The following PTPRN2 variants were observed in gnomAD, a reference collection of about 807,000 sequenced individuals.
PTPRN2 encodes receptor-type tyrosine-protein phosphatase N2.
PTPRN2 carries 74 observed loss-of-function variants against 118.8 expected under a neutral mutation model. The observed-to-expected ratio is 0.62, with a 90% confidence interval of 0.52 to 0.76. The LOEUF (loss-of-function observed/expected upper bound fraction) is 0.76. Among genes scored for constraint, PTPRN2 ranks in the 30% least tolerant of loss-of-function variants. The pLI is 0.00. For synonymous variants in PTPRN2, 641 were observed against 608.0 expected, an observed-to-expected ratio of 1.05 and a Z score of -0.80; for missense variants, 1,481 against 1,394.4, an observed-to-expected ratio of 1.06 and a Z score of -0.99.
intron 12 of PTPRN2, among the ~76,000 whole-genome samples, chr7:157,691,122 C>G (rs1466012520): frequency 6.8e-6 from 1 of 146,384 alleles, no homozygotes; most frequent in Non-Finnish European, 1.5e-5. Context: ...CCGCGGCTCT[C>G]CAAACACCCT....
At chr7:158,340,428 C>G (rs1563174125) in intron 2 of PTPRN2, among the ~76,000 whole-genome samples, 1 of 56,988 alleles carries the variant, frequency 1.8e-5, no homozygotes, top group Non-Finnish European at 4.0e-5. Context: ...CACACACACA[C>G]TCTCACCGTA....
Position 157,554,458 on chromosome 7 carries a change from T to G in PTPRN2, c.2903-5439A>C, listed in dbSNP as rs548856341. 5.4e-3 allele frequency among the ~76,000 whole-genome samples: 473 copies of G among 87,020 alleles called. 3 individuals carry two copies. The highest frequency in any genetic ancestry group is 7.9e-3 in the Non-Finnish European group (357 of 44,968). The allele number at this position is 87,020 out of a possible 152,430, so 57.1% of individuals were successfully genotyped here. A position where few individuals can be genotyped will look rare whatever the true frequency, so the allele number is the denominator to read the frequency against. ...ATTGATAAAGCACCTGCTGGGTGGG[T>G]AGGGTGGGATAGGGTGGGCGTGTGT... On this transcript the variant is annotated intron_variant, in intron 21 of 22. Transcript: ENST00000389418.
intron 2 of PTPRN2, among the ~76,000 whole-genome samples, chr7:158,327,263 GCA>G (rs1169804630): frequency 4.0e-5 from 6 of 148,750 alleles, no homozygotes; most frequent in African/African-American, 7.5e-5. Flanking sequence ...ATTCTCACAT[GCA>G]CACACGTGCT....
At chr7:157,613,984 G>A (rs767498507) in intron 15 of PTPRN2, 1 of 470,536 alleles carries the variant, frequency 2.1e-6, no homozygotes. Context: ...GAGCTCACAG[G>A]GCTGGCCTCC....
intron 2 of PTPRN2, among the ~76,000 whole-genome samples, chr7:158,389,050 C>T (rs1811722912): frequency 6.6e-6 from 1 of 152,336 alleles, no homozygotes; most frequent in African/African-American, 2.4e-5. Flanking sequence ...GAGGCGGGCC[C>T]CTGGAAGGAG....
intron 11 of PTPRN2, among the ~76,000 whole-genome samples, chr7:157,913,658 CTT>C (rs932647501): frequency 8.5e-5 from 13 of 152,242 alleles, no homozygotes; most frequent in South Asian, 4.1e-4. Flanking sequence ...ATTTTTTTCT[CTT>C]TTCATTAATG....
rs376300715 is a variant in PTPRN2 at position 158,412,914 on chromosome 7, A to G, written c.163+76821T>C. ...CAGGGCCCATCCAGTGCCCTCCTCAACACCAGGGCCCATCCAGCGCCCTCC... is the reference window on the plus strand; with the variant it reads ...CAGGGCCCATCCAGTGCCCTCCTCAGCACCAGGGCCCATCCAGCGCCCTCC... On this transcript the variant is annotated intron_variant, in intron 2 of 22. Coordinates refer to ENST00000389418, the MANE Select transcript of PTPRN2 (RefSeq NM_002847.5). 1.8e-3 allele frequency among the ~76,000 whole-genome samples: 163 copies of G among 89,104 alleles called. 1 individual carries two copies. In the South Asian group the frequency reaches 0.063, roughly 34 times the overall value. The allele number at this position is 89,104 out of a possible 152,430, so 58.5% of individuals were successfully genotyped here.
chr7:157,912,155 AAC>A (rs1463635083), intron 11 of PTPRN2, among the ~76,000 whole-genome samples: 1 of 152,240 alleles, frequency 6.6e-6, no homozygotes, highest in Non-Finnish European at 1.5e-5. Context: ...TCCTGTCACC[AAC>A]ACACAGAGTT....
At chr7:158,282,056 C>T (rs1799462080) in intron 3 of PTPRN2, among the ~76,000 whole-genome samples, 1 of 152,086 alleles carries the variant, frequency 6.6e-6, no homozygotes, top group South Asian at 2.1e-4. Context: ...CACTGTGTTC[C>T]CAGAAGGGAC....
intron 12 of PTPRN2, among the ~76,000 whole-genome samples, chr7:157,759,167 C>A (rs1242630107): frequency 6.6e-6 from 1 of 152,260 alleles, no homozygotes; most frequent in Non-Finnish European, 1.5e-5. Context: ...CCTTCCCTCT[C>A]CTGGGAGCAT....
chr7:157,984,053 C>T (rs1043789140), intron 11 of PTPRN2, among the ~76,000 whole-genome samples: 1 of 152,146 alleles, frequency 6.6e-6, no homozygotes, highest in Non-Finnish European at 1.5e-5. Context: ...GGTGCACTTG[C>T]ACAGCCAAGC....
chr7:158,236,628 G>A (rs1162937410), intron 3 of PTPRN2, among the ~76,000 whole-genome samples: 2 of 152,164 alleles, frequency 1.3e-5, no homozygotes, highest in African/African-American at 4.8e-5. Flanking sequence ...CACTCAGTGG[G>A]ACTCCCCACA....
At chr7:158,189,514 G>A (rs1006756877) in intron 5 of PTPRN2, among the ~76,000 whole-genome samples, 10 of 152,178 alleles carry the variant, frequency 6.6e-5, no homozygotes, top group East Asian at 5.8e-4. Context: ...TCAGTAGCCC[G>A]TGAAGAGGGC....
chr7:158,205,113 G>T (rs1220100191), intron 4 of PTPRN2, 58 bp downstream of exon 4: 1 of 1,334,420 alleles, frequency 7.5e-7, no homozygotes, highest in African/African-American at 1.4e-5. Flanking sequence ...AATAATAAGT[G>T]TAATGGCTAT....
rs970162466 is a variant in PTPRN2 at position 157,990,782 on chromosome 7, C to G, written c.1723+90516G>C. On this transcript the variant is annotated intron_variant, in intron 11 of 22. Transcript: ENST00000389418. The surrounding 1 kb of genome is among the most constrained non-coding windows in gnomAD (Gnocchi z 4.3). ...AATGTCACCGAGCTTCCCTCCGATA[C>G]AGTGGGAGGGAGGACTTGGCGCACA... Among the ~76,000 whole-genome samples the G allele has an allele frequency of 1.3e-5, 2 of 152,150 alleles. No homozygotes were observed. The highest frequency in any genetic ancestry group is 4.8e-5 in the African/African-American group (2 of 41,426).
chr7:158,187,167 G>A lies in PTPRN2; in HGVS notation c.549+5160C>T, dbSNP rs746101241. 2.6e-5 allele frequency among the ~76,000 whole-genome samples: 4 copies of A among 152,178 alleles called. No individual in the cohort carries two copies. The East Asian group carries it at 7.7e-4, about 29-fold the overall frequency. The stretch of plus-strand genomic sequence containing the variant: ...TGTTTAAACGAGGAGAAAGCTCTGA[G>A]TCATCTCGCTAATGAACAAAGAGAA... On this transcript the variant is annotated intron_variant, in intron 5 of 22. Transcript: ENST00000389418.
At chr7:157,833,421 ATGGTGAACTTGTC>A (rs1465147588) in intron 12 of PTPRN2, among the ~76,000 whole-genome samples, 5 of 148,400 alleles carry the variant, frequency 3.4e-5, no homozygotes, top group African/African-American at 1.3e-4. Context: ...ATCCTGTATG[ATGGTGAACTTGTC>A]CAGGAGCGAG....
chr7:157,571,016 C>T (rs182593098), intron 20 of PTPRN2, among the ~76,000 whole-genome samples: 8 of 152,058 alleles, frequency 5.3e-5, no homozygotes, highest in Non-Finnish European at 1.0e-4. Flanking sequence ...AGGCCGAGGT[C>T]GGTGGATCAT....
At chr7:158,469,735 C>CAAAA (rs56040599) in intron 2 of PTPRN2, among the ~76,000 whole-genome samples, 9,461 of 67,194 alleles carry the variant, frequency 0.14, 375 homozygotes, top group Non-Finnish European at 0.18. Flanking sequence ...AAAACCTGGC[C>CAAAA]AAAAAAAAAA....
Sources: gnomAD v4.1 joint callset for allele counts (sites outside exome capture counted in the v4.1 genomes callset) on GRCh38, gnomAD v4.1.1 for gene constraint, Gnocchi (gnomAD v3.1) non-coding constraint, MANE v1.5 for transcripts, NCBI Gene and HGNC (gene_info 2026-07-23, HGNC 2026-07-21) for gene names.